Variants in CACNA1B observed in about 807,000 individuals in gnomAD.
The protein encoded by CACNA1B is calcium voltage-gated channel subunit alpha1 B, also known as voltage-dependent N-type calcium channel subunit alpha-1B.
A neutral mutation model predicts 247.2 loss-of-function variants in CACNA1B; 70 were observed. The ratio of observed to expected loss-of-function variants is 0.28; its 90% CI spans 0.23 to 0.35. The LOEUF (loss-of-function observed/expected upper bound fraction) is 0.35, where lower values mean the gene tolerates loss of function less well. CACNA1B is among the 10% of genes least tolerant of loss of function. CACNA1B has a pLI of 1.00. For synonymous variants in CACNA1B, 1,231 were observed against 1,294.4 expected, an observed-to-expected ratio of 0.95 and a Z score of 1.05; for missense variants, 2,367 against 3,197.4, an observed-to-expected ratio of 0.74 and a Z score of 6.26.
Position 137,913,296 on chromosome 9 carries a change from A to G in CACNA1B, c.622+25A>G. 6.3e-7 allele frequency: 1 copy of G among 1,588,386 alleles called. No individual in the cohort carries two copies. On this transcript the variant is annotated intron_variant, in intron 4 of 46. Coordinates refer to ENST00000371372, the MANE Select transcript of CACNA1B (RefSeq NM_000718.4). The surrounding 1 kb of genome is among the most constrained non-coding windows in gnomAD (Gnocchi z 5.2). ...AGTGAGTCCAGCGAAGACAGGCCCA[A>G]GCCGGCTTGGAGTAACAACCTCCTC...
chr9:137,897,924 C>G (rs148154938), intron 3 of CACNA1B, among the ~76,000 whole-genome samples: 1 of 152,168 alleles, frequency 6.6e-6, no homozygotes, highest in East Asian at 1.9e-4. Context: ...ATTTTTCTAT[C>G]TTCCTAATGG....
At chr9:137,920,086 C>T (rs916793691) in intron 6 of CACNA1B, among the ~76,000 whole-genome samples, 3 of 152,146 alleles carry the variant, frequency 2.0e-5, no homozygotes, top group African/African-American at 4.8e-5. Context: ...AAAGAGGGGC[C>T]GTGTCTTTCT....
Position 137,956,838 on chromosome 9 carries a change from C to G in CACNA1B, c.1243+11C>G. 6.2e-7 allele frequency: 1 copy of G among 1,610,934 alleles called. No individual in the cohort carries two copies. The highest frequency in any genetic ancestry group is 8.5e-7 in the Non-Finnish European group (1 of 1,177,290). ...AGTCCCCTTTGGACGGTAGGTGGCA[C>G]TTGCTGGTACTCCTGTGTGGTGGAG... On this transcript the variant is annotated intron_variant, in intron 9 of 46. Coordinates refer to ENST00000371372, the MANE Select transcript of CACNA1B (RefSeq NM_000718.4).
chr9:138,111,499 G>T (rs1373284661), intron 39 of CACNA1B, among the ~76,000 whole-genome samples: 2 of 151,894 alleles, frequency 1.3e-5, no homozygotes, highest in Non-Finnish European at 2.9e-5. Flanking sequence ...GTAGGACGAG[G>T]GGTCGACTCA....
intron 16 of CACNA1B, 67 bp downstream of exon 16, chr9:138,006,951 A>G: frequency 1.2e-6 from 1 of 804,026 alleles, no homozygotes; most frequent in East Asian, 2.6e-5. Flanking sequence ...CATGGCCACC[A>G]CGCGGATCCC....
chr9:138,090,244 A>C (rs918669275), intron 36 of CACNA1B, among the ~76,000 whole-genome samples: 1 of 152,184 alleles, frequency 6.6e-6, no homozygotes, highest in African/African-American at 2.4e-5. Context: ...ACTCAGAAAT[A>C]AGTATTTGTA....
Position 137,954,902 on chromosome 9 carries a change from G to C in CACNA1B, c.1071-796G>C, listed in dbSNP as rs1371263881. ...TGTGAGAGAGAGAGAGAGAGAGAGA[G>C]GGGGAGAGAGAGAGAGAGAGAATGG... On this transcript the variant is annotated intron_variant, in intron 7 of 46. Transcript: ENST00000371372. The surrounding 1 kb of genome is among the most constrained non-coding windows in gnomAD (Gnocchi z 4.1). Among the ~76,000 whole-genome samples the C allele has an allele frequency of 6.6e-6, 1 of 151,066 alleles. No individual in the cohort carries two copies. The highest frequency in any genetic ancestry group is 1.5e-5 in the Non-Finnish European group (1 of 67,922).
At chr9:137,939,333 A>G (rs923294897) in intron 6 of CACNA1B, among the ~76,000 whole-genome samples, 1 of 152,202 alleles carries the variant, frequency 6.6e-6, no homozygotes, top group Non-Finnish European at 1.5e-5. Context: ...GAGCCTCAAT[A>G]AATTTAAGAA....
chr9:138,066,679 TATAA>T (rs913219701), intron 31 of CACNA1B, among the ~76,000 whole-genome samples: 3 of 151,982 alleles, frequency 2.0e-5, no homozygotes, highest in Admixed American at 6.6e-5. Flanking sequence ...AATTAGAAAA[TATAA>T]ATAACAGAAA....
chr9:137,928,631 TC>T (rs1957577696), intron 6 of CACNA1B, among the ~76,000 whole-genome samples: 2 of 152,362 alleles, frequency 1.3e-5, no homozygotes, highest in African/African-American at 4.8e-5. Context: ...TGCAATATAA[TC>T]TGTGTACCAT....
intron 8 of CACNA1B, 138 bp from the exon 9 acceptor site, chr9:137,956,633 G>T: frequency 1.7e-6 from 1 of 577,814 alleles, no homozygotes; most frequent in Non-Finnish European, 3.0e-6. Context: ...CAGCCTGGGT[G>T]ACAGAGCGAG....
In CACNA1B at chr9:137,983,901, G is replaced by T. The variant is rs540917736; in HGVS notation, c.1657-237G>T. On this transcript the variant is annotated intron_variant, in intron 12 of 46. Coordinates refer to ENST00000371372, the MANE Select transcript of CACNA1B (RefSeq NM_000718.4). ...GTGTCCTCCTGGTGTGTCTGGGGTG[G>T]GGGGTGGGAGGGAGGGCAGGTACCA... is the stretch of plus-strand genomic sequence containing the variant. Among the ~76,000 whole-genome samples, 188 of 120,522 alleles carry T rather than the reference G, an allele frequency of 1.6e-3. No homozygotes were observed. The Middle Eastern group carries it at 0.034, about 22-fold the overall frequency. 79.1% of individuals were successfully genotyped at this position (120,522 alleles called of 152,430 possible).
chr9:137,929,448 G>A (rs1334609510), intron 6 of CACNA1B, among the ~76,000 whole-genome samples: 7 of 152,126 alleles, frequency 4.6e-5, no homozygotes, highest in Non-Finnish European at 5.9e-5. Context: ...CCAGCTACTC[G>A]GGAGACTGAG....
chr9:138,005,114 G>A (rs1958630893), intron 15 of CACNA1B, among the ~76,000 whole-genome samples: 2 of 152,264 alleles, frequency 1.3e-5, no homozygotes, highest in South Asian at 2.1e-4. Context: ...TCCCACTGCT[G>A]GGTGTTTATC....
At chr9:137,961,306 A>G (rs1310563778) in intron 10 of CACNA1B, among the ~76,000 whole-genome samples, 1 of 152,162 alleles carries the variant, frequency 6.6e-6, no homozygotes, top group African/African-American at 2.4e-5. Flanking sequence ...GGCTCAGATG[A>G]TGGCATCTGC....
Position 138,023,642 on chromosome 9 carries a change from C to T in CACNA1B, c.2899C>T (p.Arg967Trp), listed in dbSNP as rs200418906. The stretch of plus-strand genomic sequence containing the variant: ...CCGCGGCGGCCCCCGAGCGGGGCCC[C>T]GGGAGGCGGAGAGCGGGGAGGAGCC... ...RHRGGPRAGP[R>W]EAESGEEPAR... Residue 967 changes from arginine to tryptophan, a missense_variant, in exon 19 of 47, where the codon CGG becomes TGG. Around this residue, in one of 12 missense-constraint regions of CACNA1B, gnomAD observed 631 missense variants for 631.1 expected, o/e 1.00. Coordinates refer to ENST00000371372, the MANE Select transcript of CACNA1B (RefSeq NM_000718.4). The T allele has an allele frequency of 1.3e-4, 178 of 1,403,388 alleles. No individual in the cohort carries two copies. The highest frequency in any genetic ancestry group is 1.6e-4 in the Non-Finnish European group (171 of 1,070,944). 86.9% of individuals were successfully genotyped at this position (1,403,388 alleles called of 1,614,324 possible).
Position 138,052,584 on chromosome 9 carries a change from C to T in CACNA1B, c.3807+396C>T, listed in dbSNP as rs1959334014. On this transcript the variant is annotated intron_variant, in intron 25 of 46. Coordinates refer to ENST00000371372, the MANE Select transcript of CACNA1B (RefSeq NM_000718.4). The surrounding 1 kb of genome is among the most constrained non-coding windows in gnomAD (Gnocchi z 5.1). ...GATAAAGACAGAGAATAAACTCAAACTCATAGGGCCACGCTGAAACCTAGT... is the reference window on the plus strand; with the variant it reads ...GATAAAGACAGAGAATAAACTCAAATTCATAGGGCCACGCTGAAACCTAGT... 6.6e-6 allele frequency among the ~76,000 whole-genome samples: 1 copy of T among 152,150 alleles called. No homozygotes were observed. The highest frequency in any genetic ancestry group is 6.5e-5 in the Admixed American group (1 of 15,290).
chr9:137,973,074 G>A lies in CACNA1B; in HGVS notation c.1543+1482G>A, dbSNP rs772753737. On this transcript the variant is annotated intron_variant, in intron 11 of 46. Transcript: ENST00000371372. The surrounding 1 kb of genome is among the most constrained non-coding windows in gnomAD (Gnocchi z 4.1). ...TGTTCTTCCCCGTGAGAGGCTGTTG[G>A]TGTGCAGTGAGTCGGCAGGCAGTGG... 6.6e-6 allele frequency among the ~76,000 whole-genome samples: 1 copy of A among 152,234 alleles called. No individual in the cohort carries two copies. The highest frequency in any genetic ancestry group is 1.5e-5 in the Non-Finnish European group (1 of 68,044).
At chr9:138,069,148 G>A (rs1055582845) in intron 31 of CACNA1B, among the ~76,000 whole-genome samples, 3 of 152,368 alleles carry the variant, frequency 2.0e-5, no homozygotes, top group South Asian at 2.1e-4. Context: ...GAAAGCCATC[G>A]TGTGGACTGG....
Sources: gnomAD v4.1 joint callset for allele counts (sites outside exome capture counted in the v4.1 genomes callset) on GRCh38, gnomAD v4.1.1 for gene constraint, gnomAD v4.1.1 regional missense constraint, Gnocchi (gnomAD v3.1) non-coding constraint, MANE v1.5 for transcripts, NCBI Gene and HGNC (gene_info 2026-07-23, HGNC 2026-07-21) for gene names.